PDZRN4: variants seen among roughly 807,000 people sequenced by gnomAD.
PDZRN4 encodes the protein PDZ domain containing ring finger 4.
In PDZRN4, 70 loss-of-function variants were observed where a neutral mutation model predicts 99.0. The observed-to-expected ratio is 0.71, with a 90% CI of 0.58 to 0.86. PDZRN4 has a LOEUF of 0.86. Ranked by LOEUF, PDZRN4 falls within the 40% of genes least tolerant of loss-of-function variation. The pLI is 0.00. For synonymous variants in PDZRN4, 551 were observed against 501.6 expected (o/e 1.10, Z -1.32); for missense variants, 1,474 against 1,331.2 (o/e 1.11, Z -1.67).
intron 3 of PDZRN4, among the ~76,000 whole-genome samples, chr12:41,345,980 T>C (rs1027721964): frequency 2.6e-5 from 4 of 152,122 alleles, no homozygotes; most frequent in African/African-American, 9.7e-5. Flanking sequence ...CTAGTATTTT[T>C]AGTGTTTACT....
At chr12:41,302,964 T>TCG (rs1312659788) in intron 3 of PDZRN4, among the ~76,000 whole-genome samples, 1 of 136,888 alleles carries the variant, frequency 7.3e-6, no homozygotes, top group Non-Finnish European at 1.6e-5. Context: ...ACACACACAC[T>TCG]CACACACACA....
At chr12:41,455,319 A>G (rs930043268) in intron 3 of PDZRN4, among the ~76,000 whole-genome samples, 1 of 152,218 alleles carries the variant, frequency 6.6e-6, no homozygotes, top group African/African-American at 2.4e-5. Flanking sequence ...AGATAGCAGC[A>G]TTTAGTAAAT....
At chr12:41,231,396 C>A (rs1391313667) in intron 3 of PDZRN4, among the ~76,000 whole-genome samples, 1 of 152,046 alleles carries the variant, frequency 6.6e-6, no homozygotes, top group Admixed American at 6.6e-5. Flanking sequence ...CAGAAAGGAT[C>A]AGATTTGGTC....
chr12:41,426,443 G>T (rs1479772134), intron 3 of PDZRN4, among the ~76,000 whole-genome samples: 1 of 152,182 alleles, frequency 6.6e-6, no homozygotes, highest in African/African-American at 2.4e-5. Flanking sequence ...TTCATTCATG[G>T]CATGCAGGAC....
intron 3 of PDZRN4, among the ~76,000 whole-genome samples, chr12:41,369,116 C>T (rs990473673): frequency 2.0e-5 from 3 of 152,010 alleles, no homozygotes; most frequent in African/African-American, 7.2e-5. Flanking sequence ...ATTAAGTGCT[C>T]ATATAAAAAC....
At chr12:41,421,236 T>C (rs1030067243) in intron 3 of PDZRN4, among the ~76,000 whole-genome samples, 2 of 152,164 alleles carry the variant, frequency 1.3e-5, no homozygotes, top group Non-Finnish European at 2.9e-5. Context: ...AGAATCTTGC[T>C]TTGTCACCCA....
intron 3 of PDZRN4, among the ~76,000 whole-genome samples, chr12:41,434,115 C>T (rs1458166): frequency 0.51 from 78,012 of 151,966 alleles, 20,593 homozygotes; most frequent in African/African-American, 0.65. Context: ...GAGTAATGAC[C>T]TTTTATTGTT....
At chr12:41,423,537 A>C (rs1952509466) in intron 3 of PDZRN4, among the ~76,000 whole-genome samples, 1 of 152,054 alleles carries the variant, frequency 6.6e-6, no homozygotes, top group African/African-American at 2.4e-5. Flanking sequence ...TTTTCCCAAA[A>C]TTTTGCTGCA....
At chr12:41,481,034 G>T (rs1352830726) in intron 3 of PDZRN4, among the ~76,000 whole-genome samples, 1 of 151,068 alleles carries the variant, frequency 6.6e-6, no homozygotes, top group South Asian at 2.1e-4. Flanking sequence ...CTGTATAAAT[G>T]AATTAAGCTG....
chr12:41,470,160 A>G (rs1040518014), intron 3 of PDZRN4, among the ~76,000 whole-genome samples: 33 of 152,242 alleles, frequency 2.2e-4, no homozygotes, highest in African/African-American at 7.9e-4. Context: ...CAGAAAATTT[A>G]CAAACCCTTT....
chr12:41,218,500 AAAAAATTTAAT>A (rs568756611), intron 3 of PDZRN4, among the ~76,000 whole-genome samples: 4,770 of 152,188 alleles, frequency 0.031, 252 homozygotes, highest in African/African-American at 0.11. Context: ...TTTGTTTCAA[AAAAAATTTAAT>A]GTCTAGGAAA....
chr12:41,455,738 T>A (rs1281911594), intron 3 of PDZRN4, among the ~76,000 whole-genome samples: 1 of 152,220 alleles, frequency 6.6e-6, no homozygotes, highest in Non-Finnish European at 1.5e-5. Flanking sequence ...CTTCCTGTTA[T>A]GTCAGTATTT....
At chr12:41,281,872 G>C (rs1433220727) in intron 3 of PDZRN4, among the ~76,000 whole-genome samples, 1 of 152,010 alleles carries the variant, frequency 6.6e-6, no homozygotes, top group African/African-American at 2.4e-5. Context: ...CCTGAAGAAA[G>C]CACTAAATAT....
chr12:41,194,304 A>G, intron 3 of PDZRN4, 116 bp downstream of exon 3: 1 of 656,150 alleles, frequency 1.5e-6, no homozygotes. Flanking sequence ...CATTCTTAGT[A>G]GCAGTAAAGG....
intron 3 of PDZRN4, among the ~76,000 whole-genome samples, chr12:41,251,854 G>A (rs1951172657): frequency 6.6e-6 from 1 of 152,232 alleles, no homozygotes; most frequent in African/African-American, 2.4e-5. Context: ...GGTGGCTCAC[G>A]CCTGTAATCC....
chr12:41,565,107 C>G (rs1240096776), intron 8 of PDZRN4, among the ~76,000 whole-genome samples: 1 of 152,098 alleles, frequency 6.6e-6, no homozygotes, highest in African/African-American at 2.4e-5. Flanking sequence ...AATACATATG[C>G]TGGGTAGAAC....
Position 41,307,474 on chromosome 12 carries a change from AATT to A in PDZRN4, c.843+113288_843+113290del, listed in dbSNP as rs1951578817. Among the ~76,000 whole-genome samples, 3 of 152,076 alleles carry A rather than the reference AATT, an allele frequency of 2.0e-5. No homozygotes were observed. The South Asian group carries it at 6.2e-4, about 32-fold the overall frequency. Reference sequence around the variant, plus strand: ...TACCTTCATGGCCTCATTGAAACCTAATTACCTTCCATAGGCCCCACCTGTGAA... The same window carrying A: ...TACCTTCATGGCCTCATTGAAACCTAACCTTCCATAGGCCCCACCTGTGAA... On this transcript the variant is annotated intron_variant, in intron 3 of 9. Coordinates refer to ENST00000402685, the MANE Select transcript of PDZRN4 (RefSeq NM_001164595.2).
rs149979695 is a variant in PDZRN4 at position 41,542,555 on chromosome 12, C to T, written c.1204-10101C>T. 5.5e-3 allele frequency among the ~76,000 whole-genome samples: 835 copies of T among 152,246 alleles called. 7 individuals carry two copies. Among genetic ancestry groups the T allele is most frequent in the African/African-American group, 0.019 (776 of 41,540 alleles). On this transcript the variant is annotated intron_variant, in intron 5 of 9. Coordinates refer to ENST00000402685, the MANE Select transcript of PDZRN4 (RefSeq NM_001164595.2). ...TCTCTCCCATTCAGTGATTCTGCCACCCCCAACACACACGTTTCCATGAAC... is the reference window on the plus strand; with the variant it reads ...TCTCTCCCATTCAGTGATTCTGCCATCCCCAACACACACGTTTCCATGAAC...
intron 3 of PDZRN4, among the ~76,000 whole-genome samples, chr12:41,474,901 A>G (rs1487447621): frequency 6.6e-6 from 1 of 152,238 alleles, no homozygotes; most frequent in Non-Finnish European, 1.5e-5. Flanking sequence ...TAGAATTAAA[A>G]TAAAACTATC....
Sources: allele counts gnomAD v4.1 joint callset (sites outside exome capture counted in the v4.1 genomes callset), GRCh38; gene constraint gnomAD v4.1.1; transcripts MANE v1.5; gene names NCBI Gene and HGNC (gene_info 2026-07-23, HGNC 2026-07-21).